The following LGALS8 variants were observed in gnomAD, a reference collection of about 807,000 sequenced individuals.
LGALS8 encodes galectin 8, also known as galectin-8.
In LGALS8, 30 loss-of-function variants were observed where a neutral mutation model predicts 35.9. The ratio of observed to expected loss-of-function variants is 0.83; its 90% CI spans 0.62 to 1.13. The LOEUF (loss-of-function observed/expected upper bound fraction) is 1.13, where lower values mean the gene tolerates loss of function less well. Among genes scored for constraint, LGALS8 ranks in the 50% most tolerant of loss-of-function variants. LGALS8 has a pLI of 0.00. For missense variants in LGALS8, 366 were observed against 388.7 expected, an observed-to-expected ratio of 0.94 and a Z score of 0.49; for synonymous variants, 138 against 136.1, an observed-to-expected ratio of 1.01 and a Z score of -0.10.
intron 5 of LGALS8, 82 bp from the exon 6 acceptor site, chr1:236,541,572 A>G: frequency 1.5e-6 from 1 of 662,536 alleles, no homozygotes; most frequent in Non-Finnish European, 2.4e-6. Context: ...ACCATTTATA[A>G]TTTTTTTATA....
rs1321899256 is a variant in LGALS8, at chr1:236,552,738, C to T, written c.*4577C>T. 1 of 152,178 alleles carries T rather than the reference C, an allele frequency of 6.6e-6. No individual in the cohort carries two copies. Among genetic ancestry groups the T allele is most frequent in the Non-Finnish European group, 1.5e-5 (1 of 68,032 alleles). The allele number at this position is 152,178 out of a possible 1,614,324, so 9.4% of individuals were successfully genotyped here. ...TTGAAACAAAAGCCCTACTGGTCTT[C>T]TAATTTTGGATATTTTAATTAAAGA... On this transcript the variant is annotated 3_prime_UTR_variant, in exon 10 of 10. Coordinates refer to ENST00000366584, the MANE Select transcript of LGALS8 (RefSeq NM_201544.4).
At chr1:236,539,163 G>A (rs1236206016) in intron 4 of LGALS8, 74 bp downstream of exon 4, 5 of 1,212,772 alleles carry the variant, frequency 4.1e-6, no homozygotes, top group African/African-American at 1.5e-5. Context: ...TCACATTTGT[G>A]AGCCCAGCCT....
intron 2 of LGALS8, among the ~76,000 whole-genome samples, chr1:236,533,651 T>C (rs1661279532): frequency 6.8e-6 from 1 of 146,402 alleles, no homozygotes; most frequent in African/African-American, 2.5e-5. Flanking sequence ...TTTTTTTTTT[T>C]AAAGATGTTG....
At chr1:236,534,130 G>A (rs146448588) in intron 2 of LGALS8, among the ~76,000 whole-genome samples, 7 of 152,282 alleles carry the variant, frequency 4.6e-5, no homozygotes, top group African/African-American at 1.7e-4. Context: ...GGGCAGTTTT[G>A]TCACCTGCTC....
intron 2 of LGALS8, among the ~76,000 whole-genome samples, chr1:236,528,158 G>A (rs541740746): frequency 1.3e-5 from 2 of 152,154 alleles, no homozygotes; most frequent in Non-Finnish European, 2.9e-5. Context: ...CGAGGCAGGT[G>A]GATCACGAGG....
chr1:236,548,375 G>T lies in LGALS8; in HGVS notation c.*214G>T, dbSNP rs1181900738. 2 of 532,300 alleles carry T rather than the reference G, an allele frequency of 3.8e-6. No individual in the cohort carries two copies. Among genetic ancestry groups the T allele is most frequent in the Non-Finnish European group, 3.3e-6 (1 of 300,234 alleles). 33.0% of individuals were successfully genotyped at this position (532,300 alleles called of 1,614,324 possible). A position where few individuals can be genotyped will look rare whatever the true frequency, so the allele number is the denominator to read the frequency against. On this transcript the variant is annotated 3_prime_UTR_variant, in exon 10 of 10. Transcript: ENST00000366584. ...CTGGGGGCAGCAACACTTATAGCCA[G>T]TTAAAGCCACTCTGCCCTCTCTCCT...
chr1:236,540,389 GAAGCAC>G, intron 4 of LGALS8, 169 bp from the exon 5 acceptor site: 1 of 550,910 alleles, frequency 1.8e-6, no homozygotes. Flanking sequence ...AAGAAGTTTG[GAAGCAC>G]TGCTAGTGTT....
At chr1:236,542,127 GACAGA>G in intron 6 of LGALS8, among the ~76,000 whole-genome samples, 1 of 152,214 alleles carries the variant, frequency 6.6e-6, no homozygotes, top group Non-Finnish European at 1.5e-5. Flanking sequence ...ACACCTCACA[GACAGA>G]ACAGAATCTT....
chr1:236,550,975 A>C lies in LGALS8; in HGVS notation c.*2814A>C. ...AATAGTCTTTTGGCACTGATGTTCT[A>C]CTTCTTCACATTCATCTAAAAAAAA... On this transcript the variant is annotated 3_prime_UTR_variant, in exon 10 of 10. Coordinates refer to ENST00000366584, the MANE Select transcript of LGALS8 (RefSeq NM_201544.4). 2 of 1,494,862 alleles carry C rather than the reference A, an allele frequency of 1.3e-6. No individual in the cohort carries two copies. Among genetic ancestry groups the C allele is most frequent in the Non-Finnish European group, 1.8e-6 (2 of 1,084,680 alleles). The allele number at this position is 1,494,862 out of a possible 1,614,324, so 92.6% of individuals were successfully genotyped here. A position where few individuals can be genotyped will look rare whatever the true frequency, so the allele number is the denominator to read the frequency against.
intron 2 of LGALS8, among the ~76,000 whole-genome samples, chr1:236,534,309 G>A (rs1661332034): frequency 6.6e-6 from 1 of 152,158 alleles, no homozygotes; most frequent in Admixed American, 6.5e-5. Flanking sequence ...CTTCTTTCAA[G>A]CTGCAGTCTG....
chr1:236,543,389 G>A (rs767609607), intron 7 of LGALS8, 171 bp from the exon 8 acceptor site: 13 of 708,508 alleles, frequency 1.8e-5, no homozygotes, highest in Non-Finnish European at 3.1e-5. Flanking sequence ...CTTCGAGCCA[G>A]GGACAGTGCT....
At chr1:236,519,117 G>C (rs1281141831), upstream of LGALS8, among the ~76,000 whole-genome samples, 1 of 150,860 alleles carries the variant, frequency 6.6e-6, no homozygotes, top group African/African-American at 2.4e-5. Flanking sequence ...GCCTGGGTAT[G>C]GTGGCTCATG....
In LGALS8 at chr1:236,526,341, A is replaced by T; in HGVS notation, c.45+226A>T. ...GACGTGATGAAACAGTGTTATGAAC[A>T]GGGAACGTCTGGGTAGAGTGGAGGG... is the stretch of plus-strand genomic sequence containing the variant. On this transcript the variant is annotated intron_variant, in intron 2 of 9. Coordinates refer to ENST00000366584, the MANE Select transcript of LGALS8 (RefSeq NM_201544.4). The surrounding 1 kb of genome is among the most constrained non-coding windows in gnomAD (Gnocchi z 4.6). The T allele has an allele frequency of 2.6e-6, 1 of 390,372 alleles. No individual in the cohort carries two copies. Among genetic ancestry groups the T allele is most frequent in the Non-Finnish European group, 4.6e-6 (1 of 217,218 alleles). 24.2% of individuals were successfully genotyped at this position (390,372 alleles called of 1,614,324 possible). A position where few individuals can be genotyped will look rare whatever the true frequency, so the allele number is the denominator to read the frequency against.
chr1:236,542,957 A>G (rs781139684), intron 7 of LGALS8, 170 bp downstream of exon 7: 37 of 1,614,150 alleles, frequency 2.3e-5, no homozygotes, highest in Middle Eastern at 1.6e-4. Flanking sequence ...CGCACCCAGA[A>G]CTGTCTACAC....
intron 3 of LGALS8, 73 bp from the exon 4 acceptor site, chr1:236,538,806 G>C: frequency 9.8e-7 from 1 of 1,021,854 alleles, no homozygotes; most frequent in Non-Finnish European, 1.6e-6. Context: ...CTGGAGTGTA[G>C]TGCCTGCTGG....
At chr1:236,539,796 G>A (rs189803167) in intron 4 of LGALS8, among the ~76,000 whole-genome samples, 34 of 152,228 alleles carry the variant, frequency 2.2e-4, no homozygotes, top group Non-Finnish European at 2.8e-4. Flanking sequence ...CCCTTCTCTG[G>A]CCTTTTGAGC....
In LGALS8 at chr1:236,548,028, A is replaced by C. The variant is rs763435254; in HGVS notation, c.821A>C (p.Asp274Ala). The C allele has an allele frequency of 6.2e-7, 1 of 1,611,214 alleles. No individual in the cohort carries two copies. Among genetic ancestry groups the C allele is most frequent in the Non-Finnish European group, 8.5e-7 (1 of 1,177,490 alleles). ...TCCTTTCAGATGATAATTTATTGTG[A>C]TGTTAGAGAATTCAAGGTTGCAGTA... ...GMYFEMIIYC[D>A]VREFKVAVNG... The change falls in exon 10 of 10, where the codon GAT (aspartate) becomes GCT (alanine). Residue 274 changes from aspartate to alanine, a missense_variant. Transcript: ENST00000366584.
Position 236,540,690 on chromosome 1 carries a change from G to A in LGALS8, c.465+7G>A. 3.1e-6 allele frequency: 5 copies of A among 1,599,818 alleles called. No homozygotes were observed. Among genetic ancestry groups the A allele is most frequent in the Non-Finnish European group, 4.3e-6 (5 of 1,173,662 alleles). ...TGGTTTTAGCTTCAGCTCGGTGAGTGACCTTCCACAGCTTGGGGTCTTTTA... is the reference window on the plus strand; with the variant it reads ...TGGTTTTAGCTTCAGCTCGGTGAGTAACCTTCCACAGCTTGGGGTCTTTTA... On this transcript the variant is annotated splice_region_variant and intron_variant, in intron 5 of 9. Coordinates refer to ENST00000366584, the MANE Select transcript of LGALS8 (RefSeq NM_201544.4).
chr1:236,545,283 C>G (rs1662293917), intron 9 of LGALS8: 1 of 115,178 alleles, frequency 8.7e-6, no homozygotes, highest in Admixed American at 8.7e-5. Context: ...TGGCCATCAT[C>G]TCCCATCAGG....
Sources: gnomAD v4.1 joint callset for allele counts (sites outside exome capture counted in the v4.1 genomes callset) on GRCh38, gnomAD v4.1.1 for gene constraint, Gnocchi (gnomAD v3.1) non-coding constraint, MANE v1.5 for transcripts, NCBI Gene and HGNC (gene_info 2026-07-23, HGNC 2026-07-21) for gene names.